Variants in KIAA0825 observed in about 807,000 individuals in gnomAD.
The protein encoded by KIAA0825 is uncharacterized protein KIAA0825.
KIAA0825 carries 119 observed loss-of-function variants against 147.6 expected under a neutral mutation model. That is an observed-to-expected ratio of 0.81 (90% CI 0.69 to 0.94). The LOEUF is 0.94. Ranked by LOEUF, KIAA0825 falls within the 40% of genes least tolerant of loss-of-function variation. The pLI is 0.00. For synonymous variants in KIAA0825, 470 were observed against 518.1 expected, an observed-to-expected ratio of 0.91 and a Z score of 1.26; for missense variants, 1,381 against 1,472.7, an observed-to-expected ratio of 0.94 and a Z score of 1.02.
chr5:94,487,403 T>C (rs1326115965), intron 5 of KIAA0825, among the ~76,000 whole-genome samples: 1 of 152,228 alleles, frequency 6.6e-6, no homozygotes, highest in Non-Finnish European at 1.5e-5. Context: ...AAAATAATTC[T>C]GTGATAAATT....
chr5:94,470,142 G>A (rs1035830322), intron 9 of KIAA0825, 31 bp from the exon 10 acceptor site: 6 of 1,529,076 alleles, frequency 3.9e-6, no homozygotes, highest in Non-Finnish European at 1.8e-6. Context: ...AAGAGACAGA[G>A]ATTTAAGGCC....
intron 20 of KIAA0825, among the ~76,000 whole-genome samples, chr5:94,380,539 G>T (rs187822822): frequency 2.0e-5 from 3 of 152,368 alleles, no homozygotes; most frequent in Admixed American, 1.3e-4. Flanking sequence ...CAGAGGGTAA[G>T]ATTAAAAGAC....
Position 94,470,084 on chromosome 5 carries a change from T to G in KIAA0825, c.1749A>C (p.Arg583=). 1 of 1,551,524 alleles carries G rather than the reference T, an allele frequency of 6.4e-7. No individual in the cohort carries two copies. The change falls in exon 10 of 21, where the codon CGA becomes CGC. Residue 583 remains arginine, a synonymous_variant. Coordinates refer to ENST00000682413, the MANE Select transcript of KIAA0825 (RefSeq NM_001145678.3). ...KKPIFLVLVQ[R]YQEFINTLQF... is the part of the protein sequence containing the mutation. Reference sequence around the variant, plus strand: ...GTAGAGTGTTGATGAATTCCTGATATCGTTGGACAAGCACCAGGAATATGG... The same window carrying G: ...GTAGAGTGTTGATGAATTCCTGATAGCGTTGGACAAGCACCAGGAATATGG...
At chr5:94,607,969 T>C (rs1038668805) in intron 1 of KIAA0825, among the ~76,000 whole-genome samples, 4 of 152,312 alleles carry the variant, frequency 2.6e-5, no homozygotes, top group Admixed American at 6.5e-5. Context: ...CTTCCACTTT[T>C]GAGAACCCTT....
chr5:94,188,173 G>A (rs1770326405), intron 20 of KIAA0825, among the ~76,000 whole-genome samples: 1 of 152,152 alleles, frequency 6.6e-6, no homozygotes, highest in Non-Finnish European at 1.5e-5. Context: ...GCCTCCAGAG[G>A]AGAAATAAAT....
chr5:94,364,451 G>A (rs973765493), intron 20 of KIAA0825, among the ~76,000 whole-genome samples: 4 of 151,720 alleles, frequency 2.6e-5, no homozygotes, highest in East Asian at 1.9e-4. Flanking sequence ...ACACGATCTC[G>A]GCTCACTGCA....
chr5:94,237,966 G>A (rs746966843), intron 20 of KIAA0825, among the ~76,000 whole-genome samples: 1 of 152,094 alleles, frequency 6.6e-6, no homozygotes, highest in Non-Finnish European at 1.5e-5. Context: ...TTACGTGTCT[G>A]AAACTCATGA....
intron 20 of KIAA0825, among the ~76,000 whole-genome samples, chr5:94,252,629 G>T (rs886411318): frequency 1.3e-5 from 2 of 152,034 alleles, no homozygotes; most frequent in Middle Eastern, 3.4e-3. Context: ...ATGCAGCATA[G>T]GATATACAGA....
At chr5:94,313,521 C>T (rs1436822778) in intron 20 of KIAA0825, among the ~76,000 whole-genome samples, 4 of 151,458 alleles carry the variant, frequency 2.6e-5, no homozygotes. Context: ...TAAGTATCAT[C>T]AAGAGTGGAT....
intron 8 of KIAA0825, among the ~76,000 whole-genome samples, chr5:94,472,552 G>A (rs1489994709): frequency 6.6e-6 from 1 of 152,112 alleles, no homozygotes; most frequent in Admixed American, 6.5e-5. Context: ...AGACCATCCT[G>A]ACTAACACGG....
At chr5:94,473,589 A>T in intron 7 of KIAA0825, 70 bp from the exon 8 acceptor site, 1 of 948,722 alleles carries the variant, frequency 1.1e-6, no homozygotes, top group Non-Finnish European at 1.6e-6. Flanking sequence ...TGTTATAGAT[A>T]TAAAATTATT....
intron 20 of KIAA0825, among the ~76,000 whole-genome samples, chr5:94,251,864 T>G (rs1384161628): frequency 6.6e-6 from 1 of 152,044 alleles, no homozygotes; most frequent in Non-Finnish European, 1.5e-5. Flanking sequence ...TAAATATACT[T>G]TATAATCTGA....
intron 20 of KIAA0825, among the ~76,000 whole-genome samples, chr5:94,193,414 A>C (rs1404363411): frequency 6.6e-6 from 1 of 152,202 alleles, no homozygotes; most frequent in African/African-American, 2.4e-5. Flanking sequence ...TGATTTTCCA[A>C]CTTTTATAGC....
intron 20 of KIAA0825, among the ~76,000 whole-genome samples, chr5:94,355,254 C>A (rs1784117731): frequency 6.6e-6 from 1 of 152,130 alleles, no homozygotes; most frequent in Non-Finnish European, 1.5e-5. Flanking sequence ...CTCAGTTAAT[C>A]TCTTCAGGAT....
chr5:94,368,764 C>T (rs1295795155), intron 20 of KIAA0825, among the ~76,000 whole-genome samples: 1 of 152,178 alleles, frequency 6.6e-6, no homozygotes, highest in Non-Finnish European at 1.5e-5. Flanking sequence ...AGGCCAGCAG[C>T]CTGTTAGTGC....
chr5:94,363,215 AG>A (rs1363367924), intron 20 of KIAA0825, among the ~76,000 whole-genome samples: 3 of 149,636 alleles, frequency 2.0e-5, no homozygotes, highest in Admixed American at 6.7e-5. Context: ...GACTATTATT[AG>A]GTTTAATTCA....
At chr5:94,181,575 G>C (rs1420438012) in intron 20 of KIAA0825, among the ~76,000 whole-genome samples, 1 of 152,124 alleles carries the variant, frequency 6.6e-6, no homozygotes, top group Non-Finnish European at 1.5e-5. Context: ...TTAGCTAATA[G>C]GAATGCCAAT....
chr5:94,499,474 A>G (rs1002107782), intron 5 of KIAA0825, among the ~76,000 whole-genome samples: 8 of 151,752 alleles, frequency 5.3e-5, no homozygotes, highest in African/African-American at 1.9e-4. Context: ...TCCTGGGCAT[A>G]AGTTAGAAGG....
chr5:94,386,187 C>A, intron 19 of KIAA0825, 55 bp downstream of exon 19: 1 of 1,483,006 alleles, frequency 6.7e-7, no homozygotes, highest in Non-Finnish European at 9.0e-7. Context: ...GCAATTTTTT[C>A]TTACTTGGGT....
Sources: gnomAD v4.1 joint callset for allele counts (sites outside exome capture counted in the v4.1 genomes callset) on GRCh38, gnomAD v4.1.1 for gene constraint, MANE v1.5 for transcripts, NCBI Gene and HGNC (gene_info 2026-07-23, HGNC 2026-07-21) for gene names.